The following IFT74 variants were observed in gnomAD, a reference collection of about 807,000 sequenced individuals.
IFT74 encodes the protein intraflagellar transport protein 74 homolog.
In IFT74, 92 loss-of-function variants were observed where a neutral mutation model predicts 96.7. The observed-to-expected ratio is 0.95, with a 90% CI of 0.80 to 1.13. IFT74 has a LOEUF of 1.13. Among genes scored for constraint, IFT74 ranks in the 50% most tolerant of loss-of-function variants. The pLI is 0.00. For missense variants in IFT74, 811 were observed against 698.2 expected (o/e 1.16, Z -1.82); for synonymous variants, 223 against 213.2 (o/e 1.05, Z -0.40).
In IFT74 at chr9:27,044,731, ATC is replaced by A; in HGVS notation, c.1055-6_1055-5del. On this transcript the variant is annotated splice_polypyrimidine_tract_variant and intron_variant, in intron 13 of 19. Coordinates refer to ENST00000380062, the MANE Select transcript of IFT74 (RefSeq NM_025103.4). ...TTTTGAAATTCATGTTGTATTTTAT[ATC>A]TCTCATAGGTGAAATGAACCAGAAA... is the stretch of plus-strand genomic sequence containing the variant. 2.6e-6 allele frequency: 4 copies of A among 1,530,282 alleles called. No individual in the cohort carries two copies. The highest frequency in any genetic ancestry group is 3.6e-6 in the Non-Finnish European group (4 of 1,119,480). 94.8% of individuals were successfully genotyped at this position (1,530,282 alleles called of 1,614,324 possible).
At chr9:26,947,218 G>T in intron 1 of IFT74, 1 of 700,804 alleles carries the variant, frequency 1.4e-6, no homozygotes, top group South Asian at 2.1e-5. Flanking sequence ...GGCGCGCCGA[G>T]CGGGCCGAGT....
Position 27,036,883 on chromosome 9 carries a change from A to G in IFT74, c.1054+7779A>G, listed in dbSNP as rs371948422. Reference sequence around the variant, plus strand: ...TTGTGGAAGTTTTAGTGCTGCCCCTACAATGGCAAAAAAAATTATTGCTGT... The same window carrying G: ...TTGTGGAAGTTTTAGTGCTGCCCCTGCAATGGCAAAAAAAATTATTGCTGT... On this transcript the variant is annotated intron_variant, in intron 13 of 19. Transcript: ENST00000380062. 45 of 947,272 alleles carry G rather than the reference A, an allele frequency of 4.8e-5. No homozygotes were observed. The East Asian group carries it at 2.1e-3, about 45-fold the overall frequency. 58.7% of individuals were successfully genotyped at this position (947,272 alleles called of 1,614,324 possible).
chr9:27,048,101 A>G lies in IFT74; in HGVS notation c.1207-47A>G, dbSNP rs529871147. 79 of 1,408,178 alleles carry G rather than the reference A, an allele frequency of 5.6e-5. 1 individual carries two copies. The South Asian group carries it at 9.8e-4, about 17-fold the overall frequency. The allele number at this position is 1,408,178 out of a possible 1,614,324, so 87.2% of individuals were successfully genotyped here. On this transcript the variant is annotated intron_variant, in intron 15 of 19. Transcript: ENST00000380062. ...TTTCCAAGAGTTTTATTGAGAACTA[A>G]CTAAATCAGTGGATTTTTTTCTATT... is the stretch of plus-strand genomic sequence containing the variant.
chr9:26,998,047 A>G (rs1379213569), intron 8 of IFT74: 2 of 1,613,584 alleles, frequency 1.2e-6, no homozygotes, highest in African/African-American at 1.3e-5. Flanking sequence ...GGTTACCAAA[A>G]CCGTTATTAT....
At chr9:27,026,200 A>G (rs1432482123) in intron 12 of IFT74, among the ~76,000 whole-genome samples, 1 of 152,210 alleles carries the variant, frequency 6.6e-6, no homozygotes, top group Non-Finnish European at 1.5e-5. Context: ...TATATTAGAC[A>G]AAACAGACTT....
chr9:27,005,573 A>T (rs1156665561), intron 8 of IFT74: 1 of 152,044 alleles, frequency 6.6e-6, no homozygotes, highest in South Asian at 2.1e-4. Context: ...AACCAAAGCT[A>T]TAAATATACA....
upstream of IFT74, chr9:26,955,893 T>A (rs190001520): frequency 1.4e-5 from 2 of 148,058 alleles, no homozygotes; most frequent in East Asian, 4.1e-4. Context: ...CCCCACAAAC[T>A]TGGATCCAAA....
At chr9:27,060,429 A>T (rs1180732531) in intron 18 of IFT74, among the ~76,000 whole-genome samples, 162 bp from the exon 19 acceptor site, 6 of 151,710 alleles carry the variant, frequency 4.0e-5, no homozygotes. Context: ...TAATATATTT[A>T]CTATTATTTA....
chr9:26,984,372 C>T lies in IFT74; in HGVS notation c.404+17C>T, dbSNP rs1827538150. The T allele has an allele frequency of 6.3e-7, 1 of 1,579,248 alleles. No homozygotes were observed. Among genetic ancestry groups the T allele is most frequent in the African/African-American group, 1.4e-5 (1 of 73,366 alleles). On this transcript the variant is annotated intron_variant, in intron 5 of 19. Transcript: ENST00000380062. ...TGAAAAGAGGTGAGTAATAAGTATT[C>T]AGTATTCATTCAGTATTTTGTGCTT...
At chr9:26,948,882 C>A (rs963954207) in intron 1 of IFT74, among the ~76,000 whole-genome samples, 1 of 152,158 alleles carries the variant, frequency 6.6e-6, no homozygotes, top group African/African-American at 2.4e-5. Flanking sequence ...GAATTTGTCA[C>A]AATTCCCTGA....
chr9:27,045,344 T>C (rs553216248), intron 14 of IFT74, among the ~76,000 whole-genome samples: 1 of 152,350 alleles, frequency 6.6e-6, no homozygotes, highest in East Asian at 1.9e-4. Context: ...AAAAATTGTC[T>C]TCCATGGTCC....
At chr9:27,004,676 C>T (rs188257060) in intron 8 of IFT74, among the ~76,000 whole-genome samples, 8 of 152,134 alleles carry the variant, frequency 5.3e-5, no homozygotes, top group African/African-American at 1.9e-4. Flanking sequence ...TGCTTTCTTT[C>T]TCCTTTTGGA....
intron 2 of IFT74, among the ~76,000 whole-genome samples, chr9:26,967,833 A>G (rs943913385): frequency 6.6e-5 from 10 of 152,108 alleles, no homozygotes; most frequent in African/African-American, 2.4e-4. Context: ...ATGCTTTTAC[A>G]ATATCAACGG....
At chr9:27,045,236 T>G (rs1487694862) in intron 14 of IFT74, among the ~76,000 whole-genome samples, 3 of 152,176 alleles carry the variant, frequency 2.0e-5, no homozygotes, top group Admixed American at 1.3e-4. Context: ...GGATCTAGGT[T>G]GTACTCTTGT....
At chr9:26,973,200 A>G (rs534695993) in intron 2 of IFT74, among the ~76,000 whole-genome samples, 1 of 152,176 alleles carries the variant, frequency 6.6e-6, no homozygotes, top group Non-Finnish European at 1.5e-5. Context: ...TTTGGCTGAG[A>G]ATGGTGTAAC....
chr9:26,982,237 G>T, intron 4 of IFT74: 1 of 320,038 alleles, frequency 3.1e-6, no homozygotes, highest in South Asian at 2.4e-5. Flanking sequence ...TGCTACCAAT[G>T]TGGCCTAATT....
intron 12 of IFT74, among the ~76,000 whole-genome samples, chr9:27,019,421 C>T (rs1384596039): frequency 6.6e-6 from 1 of 151,980 alleles, no homozygotes; most frequent in Non-Finnish European, 1.5e-5. Flanking sequence ...TTTCACTTAG[C>T]ACAGTGAGCC....
intron 1 of IFT74, among the ~76,000 whole-genome samples, chr9:26,957,380 G>GA (rs1563931009): frequency 6.6e-6 from 1 of 152,112 alleles, no homozygotes; most frequent in South Asian, 2.1e-4. Flanking sequence ...TTTTCTTCTG[G>GA]AAAAACCATT....
chr9:27,017,046 AG>A lies in IFT74; in HGVS notation c.930del (p.Lys310AsnfsTer10). The A allele has an allele frequency of 6.2e-7, 1 of 1,600,618 alleles. No homozygotes were observed. Among genetic ancestry groups the A allele is most frequent in the East Asian group, 2.2e-5 (1 of 44,622 alleles). ...ATGGAAGAGAGAGAGAAATTACTTA[AG>A]CAGGTGGGCAAAACAAACATACTTA... ...SPMEEREKLL[K>X]QIKDDNQEIA... On this transcript the variant is annotated frameshift_variant, in exon 11 of 20. Coordinates refer to ENST00000380062, the MANE Select transcript of IFT74 (RefSeq NM_025103.4). LOFTEE classifies it high-confidence loss of function.
Sources: gnomAD v4.1 joint callset for allele counts (sites outside exome capture counted in the v4.1 genomes callset) on GRCh38, gnomAD v4.1.1 for gene constraint, MANE v1.5 for transcripts, NCBI Gene and HGNC (gene_info 2026-07-23, HGNC 2026-07-21) for gene names.